AGBL4: variants seen among roughly 807,000 people sequenced by gnomAD.
AGBL4 encodes cytosolic carboxypeptidase 6.
Under a neutral mutation model 66.4 loss-of-function variants are expected in AGBL4, and 58 were observed. The ratio of observed to expected loss-of-function variants is 0.87; its 90% CI spans 0.71 to 1.09. The LOEUF (loss-of-function observed/expected upper bound fraction) is 1.09, where lower values mean the gene tolerates loss of function less well. Ranked by LOEUF, AGBL4 falls within the 50% of genes least tolerant of loss-of-function variation. AGBL4 has a pLI of 0.00. For synonymous variants in AGBL4, 234 were observed against 222.9 expected (o/e 1.05, Z -0.44); for missense variants, 579 against 631.0 (o/e 0.92, Z 0.88).
intron 6 of AGBL4, among the ~76,000 whole-genome samples, chr1:48,674,624 G>A (rs1428884898): frequency 6.6e-6 from 1 of 152,062 alleles, no homozygotes; most frequent in Non-Finnish European, 1.5e-5. Flanking sequence ...TGTTGTCTTG[G>A]GAAAGTCACT....
At chr1:49,017,535 C>T (rs577652428) in intron 5 of AGBL4, among the ~76,000 whole-genome samples, 52 of 152,204 alleles carry the variant, frequency 3.4e-4, no homozygotes, top group Admixed American at 1.2e-3. Context: ...CCCCTGAATA[C>T]ATGCAAAAGA....
chr1:49,993,892 A>G (rs1310964634), intron 1 of AGBL4, among the ~76,000 whole-genome samples: 7 of 152,204 alleles, frequency 4.6e-5, no homozygotes, highest in African/African-American at 1.7e-4. Context: ...CTATCACTGT[A>G]CAATTTAGCC....
chr1:49,526,966 C>A (rs1378231425), intron 3 of AGBL4, among the ~76,000 whole-genome samples: 3 of 152,122 alleles, frequency 2.0e-5, no homozygotes, highest in African/African-American at 7.2e-5. Context: ...TTTAATTCAA[C>A]TTTATTTGAA....
At chr1:49,225,707 A>T (rs918783305) in intron 4 of AGBL4, among the ~76,000 whole-genome samples, 1 of 152,220 alleles carries the variant, frequency 6.6e-6, no homozygotes, top group Admixed American at 6.5e-5. Context: ...GCCAACTATG[A>T]CATAAGCAAA....
chr1:49,801,374 T>C (rs72686751), intron 2 of AGBL4, among the ~76,000 whole-genome samples: 8 of 152,276 alleles, frequency 5.3e-5, no homozygotes, highest in African/African-American at 9.6e-5. Context: ...AACACCTCAA[T>C]TGCAACTTGA....
At chr1:49,490,848 A>C (rs896464545) in intron 3 of AGBL4, among the ~76,000 whole-genome samples, 1 of 151,662 alleles carries the variant, frequency 6.6e-6, no homozygotes, top group Non-Finnish European at 1.5e-5. Context: ...CACAATAAAA[A>C]CAAAAACTCA....
At chr1:48,854,602 T>C (rs1164791146) in intron 6 of AGBL4, among the ~76,000 whole-genome samples, 4 of 152,176 alleles carry the variant, frequency 2.6e-5, no homozygotes, top group African/African-American at 9.6e-5. Context: ...TTGCAAAATT[T>C]GGGCCATTTT....
chr1:49,362,483 T>C (rs1476575880), intron 3 of AGBL4, among the ~76,000 whole-genome samples: 2 of 135,508 alleles, frequency 1.5e-5, no homozygotes, highest in African/African-American at 2.8e-5. Context: ...AGAGAGAATC[T>C]AACTACTCTC....
intron 3 of AGBL4, among the ~76,000 whole-genome samples, chr1:49,601,011 T>C (rs913974065): frequency 7.2e-5 from 11 of 152,222 alleles, no homozygotes; most frequent in Non-Finnish European, 2.9e-5. Context: ...GTTAGTCTGA[T>C]GGGGTTCCTT....
chr1:49,795,062 GA>G (rs1644696895), intron 2 of AGBL4, among the ~76,000 whole-genome samples: 1 of 151,810 alleles, frequency 6.6e-6, no homozygotes, highest in South Asian at 2.1e-4. Flanking sequence ...ATAAAAAAGG[GA>G]AAATATGATA....
intron 3 of AGBL4, among the ~76,000 whole-genome samples, chr1:49,679,583 G>C (rs907777367): frequency 2.0e-5 from 3 of 151,708 alleles, no homozygotes; most frequent in Non-Finnish European, 2.9e-5. Flanking sequence ...CATATGTTAG[G>C]GCTTGATTCT....
chr1:49,293,665 T>C (rs1335355641), intron 3 of AGBL4, among the ~76,000 whole-genome samples: 2 of 152,214 alleles, frequency 1.3e-5, no homozygotes, highest in Admixed American at 1.3e-4. Flanking sequence ...ACTGGCTGAT[T>C]AGAAATTTTA....
chr1:49,371,707 T>C (rs532738318), intron 3 of AGBL4, among the ~76,000 whole-genome samples: 56 of 152,106 alleles, frequency 3.7e-4, no homozygotes, highest in African/African-American at 1.3e-3. Flanking sequence ...AAATTCTAGG[T>C]AGAATGGGAT....
At chr1:49,564,548 C>A (rs1464372629) in intron 3 of AGBL4, among the ~76,000 whole-genome samples, 1 of 152,092 alleles carries the variant, frequency 6.6e-6, no homozygotes, top group Non-Finnish European at 1.5e-5. Context: ...TTATTTCTGC[C>A]TTCATTTTGT....
At chr1:49,515,927 T>C (rs1649771325) in intron 3 of AGBL4, among the ~76,000 whole-genome samples, 1 of 149,004 alleles carries the variant, frequency 6.7e-6, no homozygotes, top group East Asian at 2.0e-4. Flanking sequence ...TTAGGAGATA[T>C]ACCTAATGTT....
At chr1:49,629,140 G>T (rs1486904071) in intron 3 of AGBL4, among the ~76,000 whole-genome samples, 1 of 152,112 alleles carries the variant, frequency 6.6e-6, no homozygotes, top group Admixed American at 6.5e-5. Flanking sequence ...AAGCATTATT[G>T]GAACACAGCC....
chr1:49,383,705 C>G (rs570219431), intron 3 of AGBL4, among the ~76,000 whole-genome samples: 1 of 151,984 alleles, frequency 6.6e-6, no homozygotes, highest in East Asian at 1.9e-4. Context: ...AGAAAACATA[C>G]AGGAAAAGTT....
At chr1:49,579,594 C>A (rs186935935) in intron 3 of AGBL4, among the ~76,000 whole-genome samples, 1 of 152,042 alleles carries the variant, frequency 6.6e-6, no homozygotes, top group African/African-American at 2.4e-5. Context: ...CCACCTCCCA[C>A]GTTGACGCCA....
intron 4 of AGBL4, among the ~76,000 whole-genome samples, chr1:49,148,012 T>C (rs1485320445): frequency 1.3e-5 from 2 of 152,174 alleles, no homozygotes; most frequent in Non-Finnish European, 2.9e-5. Flanking sequence ...TGCAAAGAAC[T>C]TGGGTAACAA....
Sources: allele counts gnomAD v4.1 joint callset (sites outside exome capture counted in the v4.1 genomes callset), GRCh38; gene constraint gnomAD v4.1.1; transcripts MANE v1.5; gene names NCBI Gene and HGNC (gene_info 2026-07-23, HGNC 2026-07-21).